The following UCHL3 variants were observed in gnomAD, a reference collection of about 807,000 sequenced individuals.
UCHL3 encodes the protein ubiquitin C-terminal hydrolase L3, also known as ubiquitin carboxyl-terminal hydrolase isozyme L3.
Under a neutral mutation model 35.8 loss-of-function variants are expected in UCHL3, and 22 were observed. The ratio of observed to expected loss-of-function variants is 0.61; its 90% CI spans 0.44 to 0.88. UCHL3 has a LOEUF of 0.88. Ranked by LOEUF, UCHL3 falls within the 40% of genes least tolerant of loss-of-function variation. The pLI is 0.00. For missense variants in UCHL3, 229 were observed against 276.9 expected, an observed-to-expected ratio of 0.83 and a Z score of 1.23; for synonymous variants, 90 against 92.8, an observed-to-expected ratio of 0.97 and a Z score of 0.17.
rs922782375 is a variant in UCHL3, at chr13:75,563,849, G to C, written c.184-2846G>C. Reference sequence around the variant, plus strand: ...TTCTGTGTCTGGCTTATTTCACTTAGTATAATGTCCTTCAGGTTCATCCAT... The same window carrying C: ...TTCTGTGTCTGGCTTATTTCACTTACTATAATGTCCTTCAGGTTCATCCAT... On this transcript the variant is annotated intron_variant, in intron 3 of 8. Transcript: ENST00000377595. 2.6e-5 allele frequency among the ~76,000 whole-genome samples: 4 copies of C among 151,522 alleles called. No individual in the cohort carries two copies. In the South Asian group the frequency reaches 6.2e-4, roughly 24 times the overall value.
At chr13:75,568,924 A>G (rs1269636186) in intron 5 of UCHL3, among the ~76,000 whole-genome samples, 1 of 152,178 alleles carries the variant, frequency 6.6e-6, no homozygotes, top group Middle Eastern at 3.2e-3. Context: ...ATGTTTGCAA[A>G]TAGTGGGTAC....
At chr13:75,572,996 G>T (rs1298784365) in intron 6 of UCHL3, among the ~76,000 whole-genome samples, 1 of 152,150 alleles carries the variant, frequency 6.6e-6, no homozygotes, top group Non-Finnish European at 1.5e-5. Flanking sequence ...CGGGCATGGG[G>T]GCTCACGCCT....
chr13:75,566,710 A>G lies in UCHL3; in HGVS notation c.199A>G (p.Thr67Ala). 1 of 1,590,672 alleles carries G rather than the reference A, an allele frequency of 6.3e-7. No homozygotes were observed. Among genetic ancestry groups the G allele is most frequent in the Non-Finnish European group, 8.6e-7 (1 of 1,168,410 alleles). Residue 67 changes from threonine (T) to alanine (A), a missense_variant, in exon 4 of 9, where the codon ACA becomes GCA. Physicochemically the swap from Thr to Ala is moderately conservative, Grantham distance 58. Transcript: ENST00000377595. ...TTTTTAATAGTATGAAGTATTCAGA[A>G]CAGAAGAGGAAGAAAAAATAAAATC... ...PITEKYEVFR[T>A]EEEEKIKSQG...
chr13:75,549,946 T>G, intron 1 of UCHL3, 30 bp from the exon 2 acceptor site: 1 of 1,614,244 alleles, frequency 6.2e-7, no homozygotes, highest in Non-Finnish European at 8.5e-7. Flanking sequence ...GTGGTTTGTC[T>G]CTAAAGCGTG....
chr13:75,567,408 C>A, intron 5 of UCHL3, 96 bp downstream of exon 5: 2 of 1,095,434 alleles, frequency 1.8e-6, no homozygotes, highest in South Asian at 1.4e-5. Flanking sequence ...TAGTTTTGAG[C>A]AATTATGGAT....
At chr13:75,587,192 T>C (rs1386498056) in intron 6 of UCHL3, among the ~76,000 whole-genome samples, 1 of 151,952 alleles carries the variant, frequency 6.6e-6, no homozygotes, top group Non-Finnish European at 1.5e-5. Flanking sequence ...AGTAAAGCAG[T>C]CTCTAATCAC....
chr13:75,549,566 GT>G, upstream of UCHL3: 1 of 460,046 alleles, frequency 2.2e-6, no homozygotes, highest in Non-Finnish European at 3.8e-6. Context: ...TTCAGATACT[GT>G]TTTTCTCCCG....
intron 2 of UCHL3, among the ~76,000 whole-genome samples, chr13:75,552,068 GACAA>G (rs772902085): frequency 2.0e-5 from 3 of 152,150 alleles, no homozygotes; most frequent in Non-Finnish European, 2.9e-5. Flanking sequence ...GATATAAACA[GACAA>G]ACAATGTTAT....
At chr13:75,587,032 A>AAG (rs1427777904) in intron 6 of UCHL3, among the ~76,000 whole-genome samples, 2 of 151,312 alleles carry the variant, frequency 1.3e-5, no homozygotes, top group Non-Finnish European at 3.0e-5. Flanking sequence ...AAAAAAAAAA[A>AAG]AAAGAGCAAA....
At position 75,565,663 on chromosome 13, in the gene UCHL3, T is replaced by C. The variant is rs140342391; in HGVS notation, c.184-1032T>C. On this transcript the variant is annotated intron_variant, in intron 3 of 8. Transcript: ENST00000377595. ...ACAATACATAATGAAATTTTACTTATGAAAAGAGGCAGTGGGCCAGATTTG... is the reference window on the plus strand; with the variant it reads ...ACAATACATAATGAAATTTTACTTACGAAAAGAGGCAGTGGGCCAGATTTG... Among the ~76,000 whole-genome samples the C allele has an allele frequency of 2.5e-3, 387 of 152,350 alleles. 2 individuals carry two copies. Among genetic ancestry groups the C allele is most frequent in the Non-Finnish European group, 4.4e-3 (296 of 68,030 alleles).
chr13:75,571,272 C>T (rs373016721), intron 6 of UCHL3, among the ~76,000 whole-genome samples: 2 of 152,132 alleles, frequency 1.3e-5, no homozygotes, highest in South Asian at 4.1e-4. Flanking sequence ...TTCTCTTGCC[C>T]CATTTTTGGA....
At chr13:75,564,029 A>C (rs185377794) in intron 3 of UCHL3, among the ~76,000 whole-genome samples, 1 of 152,248 alleles carries the variant, frequency 6.6e-6, no homozygotes, top group Non-Finnish European at 1.5e-5. Flanking sequence ...GATTGGGTAC[A>C]TTCAGGGTAC....
chr13:75,549,959 C>T lies in UCHL3; in HGVS notation c.43-17C>T. The T allele has an allele frequency of 6.2e-7, 1 of 1,614,262 alleles. No homozygotes were observed. Among genetic ancestry groups the T allele is most frequent in the Non-Finnish European group, 8.5e-7 (1 of 1,180,038 alleles). ...CGGTGGTTTGTCTCTAAAGCGTGTT[C>T]TCTGTTTCGTTTTCAGGTCACCAAC... On this transcript the variant is annotated splice_polypyrimidine_tract_variant and intron_variant, in intron 1 of 8. Transcript: ENST00000377595.
intron 6 of UCHL3, chr13:75,590,322 A>G (rs1287851530): frequency 7.1e-6 from 6 of 843,840 alleles, no homozygotes; most frequent in East Asian, 1.2e-4. Context: ...GCCTCAGAAC[A>G]TCCATCTTTC....
chr13:75,588,684 G>C (rs1346865670), intron 6 of UCHL3, among the ~76,000 whole-genome samples: 1 of 152,128 alleles, frequency 6.6e-6, no homozygotes. Flanking sequence ...AATTTTCACA[G>C]TTGACAAGAG....
At chr13:75,595,130 GT>G in intron 7 of UCHL3, 140 bp downstream of exon 7, 2 of 661,498 alleles carry the variant, frequency 3.0e-6, no homozygotes, top group Non-Finnish European at 4.9e-6. Flanking sequence ...CATAGCGACA[GT>G]TTTCCTTTTA....
chr13:75,553,414 A>G (rs1167139148), intron 2 of UCHL3, among the ~76,000 whole-genome samples: 1 of 152,170 alleles, frequency 6.6e-6, no homozygotes, highest in Non-Finnish European at 1.5e-5. Context: ...TTCTGTCACC[A>G]TATTTCTTGA....
chr13:75,592,446 A>ATATATG lies in UCHL3; in HGVS notation c.475-2464_475-2463insGTATAT, dbSNP rs2032522996. ...TATATATATATATATATATATATAT[A>ATATATG]TATATATATATATATATATATGAAG... On this transcript the variant is annotated intron_variant, in intron 6 of 8. Transcript: ENST00000377595. 2.7e-4 allele frequency among the ~76,000 whole-genome samples: 19 copies of ATATATG among 71,082 alleles called. 1 individual carries two copies. The highest frequency in any genetic ancestry group is 4.1e-4 in the African/African-American group (10 of 24,458). 46.6% of individuals were successfully genotyped at this position (71,082 alleles called of 152,430 possible). A position where few individuals can be genotyped will look rare whatever the true frequency, so the allele number is the denominator to read the frequency against.
At chr13:75,576,242 T>A (rs1003866440) in intron 6 of UCHL3, among the ~76,000 whole-genome samples, 1 of 152,026 alleles carries the variant, frequency 6.6e-6, no homozygotes, top group African/African-American at 2.4e-5. Context: ...TTATTATTAT[T>A]TTTCTGATGT....
Sources: gnomAD v4.1 joint callset for allele counts (sites outside exome capture counted in the v4.1 genomes callset) on GRCh38, gnomAD v4.1.1 for gene constraint, MANE v1.5 for transcripts, NCBI Gene and HGNC (gene_info 2026-07-23, HGNC 2026-07-21) for gene names.